The following SOX5 variants were observed in gnomAD, a reference collection of about 807,000 sequenced individuals.
SOX5 encodes the protein transcription factor SOX-5.
SOX5 carries 9 observed loss-of-function variants against 92.0 expected under a neutral mutation model. The ratio of observed to expected loss-of-function variants is 0.10; its 90% CI spans 0.06 to 0.17. The LOEUF (loss-of-function observed/expected upper bound fraction) is 0.17, where lower values mean the gene tolerates loss of function less well. Among genes scored for constraint, SOX5 ranks in the 10% least tolerant of loss-of-function variants. The probability of loss-of-function intolerance (pLI) is 1.00; values close to 1 mark genes in which losing one functional copy is unlikely to be tolerated. For missense variants in SOX5, 642 were observed against 944.5 expected (o/e 0.68, Z 4.20); for synonymous variants, 344 against 336.3 (o/e 1.02, Z -0.25).
chr12:24,427,052 T>C (rs1966841255), intron 1 of SOX5, among the ~76,000 whole-genome samples: 1 of 152,242 alleles, frequency 6.6e-6, no homozygotes. Flanking sequence ...GCCGTCTCAC[T>C]TGAGGAAGTC....
intron 4 of SOX5, among the ~76,000 whole-genome samples, chr12:24,119,041 A>AT (rs143203842): frequency 0.1 from 15,649 of 151,380 alleles, 860 homozygotes; most frequent in Non-Finnish European, 0.12. Flanking sequence ...AATGAGGAAT[A>AT]TTTTTTTTAA....
At chr12:23,744,573 GGTTT>G (rs1169404483) in intron 4 of SOX5, among the ~76,000 whole-genome samples, 2 of 151,894 alleles carry the variant, frequency 1.3e-5, no homozygotes, top group East Asian at 1.9e-4. Flanking sequence ...CCTCAAAATA[GGTTT>G]GTTTTTCCTT....
At chr12:23,594,727 C>A (rs553909117) in intron 9 of SOX5, among the ~76,000 whole-genome samples, 1 of 152,174 alleles carries the variant, frequency 6.6e-6, no homozygotes, top group South Asian at 2.1e-4. Context: ...AGGATCTGGT[C>A]TTTCTCATTT....
chr12:24,462,959 G>A (rs772531677), intron 1 of SOX5, among the ~76,000 whole-genome samples: 24 of 152,044 alleles, frequency 1.6e-4, no homozygotes, highest in Non-Finnish European at 8.8e-5. Flanking sequence ...GGCTCCTGCC[G>A]GTAATCCTAG....
At chr12:24,300,544 G>C (rs1322432980) in intron 2 of SOX5, among the ~76,000 whole-genome samples, 1 of 152,182 alleles carries the variant, frequency 6.6e-6, no homozygotes, top group Non-Finnish European at 1.5e-5. Flanking sequence ...TGAAATTGTT[G>C]TAAAGATCCT....
intron 2 of SOX5, among the ~76,000 whole-genome samples, chr12:24,322,455 G>C (rs1950293789): frequency 6.6e-6 from 1 of 152,182 alleles, no homozygotes; most frequent in African/African-American, 2.4e-5. Flanking sequence ...TATGACAGAA[G>C]ATGACGGAAA....
At chr12:24,065,241 C>T (rs970191071) in intron 4 of SOX5, among the ~76,000 whole-genome samples, 6 of 152,208 alleles carry the variant, frequency 3.9e-5, no homozygotes, top group Non-Finnish European at 7.4e-5. Context: ...CCTAATCACT[C>T]TGTGCCCTCC....
chr12:24,160,077 A>G (rs892637011), intron 4 of SOX5, among the ~76,000 whole-genome samples: 1 of 152,108 alleles, frequency 6.6e-6, no homozygotes, highest in East Asian at 1.9e-4. Flanking sequence ...GAAAAAAAAA[A>G]TTAACATCTT....
chr12:23,993,008 A>G (rs1485404674), intron 4 of SOX5, among the ~76,000 whole-genome samples: 1 of 152,188 alleles, frequency 6.6e-6, no homozygotes, highest in African/African-American at 2.4e-5. Context: ...CTTCTTATCA[A>G]TGAGTATATT....
intron 4 of SOX5, among the ~76,000 whole-genome samples, chr12:24,015,887 T>C (rs1953535062): frequency 6.6e-6 from 1 of 150,990 alleles, no homozygotes; most frequent in Admixed American, 6.6e-5. Flanking sequence ...AGTATTCTCT[T>C]GTGTGACATC....
At chr12:23,742,560 T>C (rs187331570) in intron 4 of SOX5, among the ~76,000 whole-genome samples, 257 of 152,344 alleles carry the variant, frequency 1.7e-3, no homozygotes, top group Middle Eastern at 3.4e-3. Flanking sequence ...ATTCATATGC[T>C]AGCAAGATAA....
At chr12:24,026,347 A>T (rs575407286) in intron 4 of SOX5, among the ~76,000 whole-genome samples, 90 of 152,162 alleles carry the variant, frequency 5.9e-4, no homozygotes, top group African/African-American at 1.5e-3. Flanking sequence ...AGAACTTTTT[A>T]AAAAAATTCA....
intron 4 of SOX5, among the ~76,000 whole-genome samples, chr12:24,145,657 G>A (rs1006770733): frequency 3.9e-4 from 60 of 152,020 alleles, no homozygotes; most frequent in African/African-American, 1.4e-3. Flanking sequence ...CATCATACAT[G>A]GCTGATTTTT....
intron 3 of SOX5, among the ~76,000 whole-genome samples, chr12:24,218,998 C>T (rs1959739274): frequency 6.6e-6 from 1 of 151,962 alleles, no homozygotes; most frequent in African/African-American, 2.4e-5. Flanking sequence ...TTTTAGAATA[C>T]AGTTTGTTAA....
At chr12:24,518,912 C>A (rs558193372) in intron 1 of SOX5, among the ~76,000 whole-genome samples, 1 of 152,248 alleles carries the variant, frequency 6.6e-6, no homozygotes, top group East Asian at 1.9e-4. Flanking sequence ...GCAGCCTATA[C>A]AGAAATTTTC....
At chr12:23,812,593 G>A (rs144437779) in intron 3 of SOX5, among the ~76,000 whole-genome samples, 1 of 152,138 alleles carries the variant, frequency 6.6e-6, no homozygotes. Flanking sequence ...TATGAGCAAG[G>A]CCAAACCAAC....
At chr12:24,396,026 T>C (rs974392948) in intron 1 of SOX5, among the ~76,000 whole-genome samples, 1 of 152,204 alleles carries the variant, frequency 6.6e-6, no homozygotes, top group African/African-American at 2.4e-5. Flanking sequence ...AGTCTAATAA[T>C]TGCAGCTAGG....
intron 2 of SOX5, among the ~76,000 whole-genome samples, chr12:23,890,181 A>T (rs2097114019): frequency 6.6e-6 from 1 of 152,066 alleles, no homozygotes; most frequent in South Asian, 2.1e-4. Context: ...TTAGTTGCGC[A>T]TGGTGGCGGG....
At chr12:23,967,777 T>C (rs10771047) in intron 4 of SOX5, among the ~76,000 whole-genome samples, 148,059 of 152,256 alleles carry the variant, frequency 0.97, 72,145 homozygotes, top group East Asian at 1. Flanking sequence ...GGATAAACAG[T>C]CCTTAGTTTT....
Sources: allele counts gnomAD v4.1 joint callset (sites outside exome capture counted in the v4.1 genomes callset), GRCh38; gene constraint gnomAD v4.1.1; transcripts MANE v1.5; gene names NCBI Gene and HGNC (gene_info 2026-07-23, HGNC 2026-07-21).